RNF216: variants seen among roughly 807,000 people sequenced by gnomAD.
RNF216 encodes the protein ring finger protein 216.
Under a neutral mutation model 110.8 loss-of-function variants are expected in RNF216, and 72 were observed. That is an observed-to-expected ratio of 0.65 (90% CI 0.54 to 0.79). The LOEUF (loss-of-function observed/expected upper bound fraction) is 0.79, where lower values mean the gene tolerates loss of function less well. RNF216 is among the 30% of genes least tolerant of loss of function. The pLI is 0.00. For synonymous variants in RNF216, 495 were observed against 407.5 expected (o/e 1.21, Z -2.59); for missense variants, 1,342 against 1,141.2 (o/e 1.18, Z -2.54).
At chr7:5,758,567 C>T (rs1795765297) in intron 2 of RNF216, among the ~76,000 whole-genome samples, 1 of 152,158 alleles carries the variant, frequency 6.6e-6, no homozygotes, top group Non-Finnish European at 1.5e-5. Context: ...TCCCTTGCAC[C>T]AGTGTGCCAT....
At chr7:5,777,964 A>G (rs898410915) in intron 1 of RNF216, among the ~76,000 whole-genome samples, 9 of 152,238 alleles carry the variant, frequency 5.9e-5, no homozygotes, top group African/African-American at 2.2e-4. Context: ...GGAGGGTAAA[A>G]TCAACGTTTT....
intron 13 of RNF216, among the ~76,000 whole-genome samples, chr7:5,667,868 G>A (rs3807580): frequency 0.044 from 6,670 of 152,270 alleles, 205 homozygotes; most frequent in South Asian, 0.072. Context: ...GGATCAGATT[G>A]GGGAAAGGAG....
At position 5,696,221 on chromosome 7, in the gene RNF216, C is replaced by T. The variant is rs1480747154; in HGVS notation, c.2061+15540G>A. Among the ~76,000 whole-genome samples the T allele has an allele frequency of 1.3e-5, 2 of 151,994 alleles. No homozygotes were observed. The highest frequency in any genetic ancestry group is 2.9e-5 in the Non-Finnish European group (2 of 68,006). On this transcript the variant is annotated intron_variant, in intron 13 of 16. Transcript: ENST00000389902. The surrounding 1 kb of genome is among the most constrained non-coding windows in gnomAD (Gnocchi z 5.4). ...AATTGTTTGTATTTCTGTCAGGAGG[C>T]CCATGGAAAAAAAGCAGGGCTCTCA...
intron 13 of RNF216, among the ~76,000 whole-genome samples, chr7:5,660,512 C>T (rs1789047280): frequency 6.6e-6 from 1 of 151,342 alleles, no homozygotes; most frequent in African/African-American, 2.4e-5. Flanking sequence ...GGATGGTCTC[C>T]ATCTCTTGAC....
intron 7 of RNF216, 39 bp from the exon 8 acceptor site, chr7:5,725,477 G>GA (rs1793694152): frequency 1.7e-6 from 2 of 1,179,828 alleles, no homozygotes; most frequent in African/African-American, 3.0e-5. Context: ...TCTGTAAATA[G>GA]AAAATAAGAA....
At chr7:5,690,970 C>T (rs1791298468) in intron 13 of RNF216, among the ~76,000 whole-genome samples, 2 of 152,224 alleles carry the variant, frequency 1.3e-5, no homozygotes, top group South Asian at 4.1e-4. Flanking sequence ...GCTTATCCAG[C>T]ACACAGCCAG....
In RNF216 at chr7:5,656,135, G is replaced by A. The variant is rs186716920; in HGVS notation, c.2062-3625C>T. ...AATACAAAAATTAGCCGGGCATGGT[G>A]GCGGGCTTCTGTAATCCCAGCTACT... is the stretch of plus-strand genomic sequence containing the variant. On this transcript the variant is annotated intron_variant, in intron 13 of 16. Transcript: ENST00000389902. Among the ~76,000 whole-genome samples the A allele has an allele frequency of 3.5e-4, 53 of 152,262 alleles. 1 individual carries two copies. Among genetic ancestry groups the A allele is most frequent in the Admixed American group, 1.9e-3 (29 of 15,272 alleles).
chr7:5,692,944 G>C (rs988462773), intron 13 of RNF216, among the ~76,000 whole-genome samples: 2 of 152,172 alleles, frequency 1.3e-5, no homozygotes, highest in African/African-American at 4.8e-5. Flanking sequence ...CTTCCAAATA[G>C]ATTTTATGTC....
chr7:5,741,796 G>A lies in RNF216; in HGVS notation c.221C>T (p.Ser74Leu), dbSNP rs764822098. 5.6e-6 allele frequency: 9 copies of A among 1,599,498 alleles called. No individual in the cohort carries two copies. The highest frequency in any genetic ancestry group is 6.8e-6 in the Non-Finnish European group (8 of 1,175,718). The change falls in exon 4 of 17, where the codon TCA (serine) becomes TTA (leucine). Residue 74 changes from serine (S) to leucine (L), a missense_variant. Coordinates refer to ENST00000389902, the MANE Select transcript of RNF216 (RefSeq NM_207111.4). Reference protein sequence around the residue: ...ILTETNKPQRSRPNLIKPAAQ... With the variant: ...ILTETNKPQRLRPNLIKPAAQ... ...AGCTGGTTTGATGAGATTGGGTCGTGATCTCTGAGGTTTATTTGTCTAAGA... is the reference window on the plus strand; with the variant it reads ...AGCTGGTTTGATGAGATTGGGTCGTAATCTCTGAGGTTTATTTGTCTAAGA...
chr7:5,690,195 T>C (rs1419027508), intron 13 of RNF216, among the ~76,000 whole-genome samples: 3 of 151,210 alleles, frequency 2.0e-5, no homozygotes, highest in South Asian at 2.1e-4. Context: ...GGCATGGTGG[T>C]GCACACCTGT....
chr7:5,663,975 A>T (rs1789336590), intron 13 of RNF216, among the ~76,000 whole-genome samples: 1 of 152,150 alleles, frequency 6.6e-6, no homozygotes, highest in African/African-American at 2.4e-5. Flanking sequence ...CCACATGGAG[A>T]TGCGATGGAG....
rs887484642 is a variant in RNF216 at position 5,771,102 on chromosome 7, G to A, written c.-69-9964C>T. The stretch of plus-strand genomic sequence containing the variant: ...ATTACAGGCGTGAGCCACCACACCT[G>A]GCCCCAGATTCAGTCTTATATGAAT... On this transcript the variant is annotated intron_variant, in intron 1 of 16. Coordinates refer to ENST00000389902, the MANE Select transcript of RNF216 (RefSeq NM_207111.4). 5.3e-5 allele frequency among the ~76,000 whole-genome samples: 8 copies of A among 152,086 alleles called. No individual in the cohort carries two copies. In the South Asian group the frequency reaches 6.2e-4, roughly 12 times the overall value.
intron 1 of RNF216, among the ~76,000 whole-genome samples, chr7:5,765,552 C>A (rs548217193): frequency 3.6e-3 from 540 of 151,858 alleles, no homozygotes; most frequent in Non-Finnish European, 6.0e-3. Context: ...ACTGCTTGAG[C>A]CCAGGAGTTC....
chr7:5,763,127 C>G (rs1796020141), intron 1 of RNF216, among the ~76,000 whole-genome samples: 1 of 152,010 alleles, frequency 6.6e-6, no homozygotes, highest in South Asian at 2.1e-4. Flanking sequence ...AAAAAAACAA[C>G]AACCCATGTC....
intron 14 of RNF216, among the ~76,000 whole-genome samples, chr7:5,647,643 T>C (rs1788136516): frequency 6.6e-6 from 1 of 152,086 alleles, no homozygotes; most frequent in Non-Finnish European, 1.5e-5. Flanking sequence ...CTATACTTAA[T>C]CTCTCCCACT....
chr7:5,666,177 A>C (rs538078680), intron 13 of RNF216, among the ~76,000 whole-genome samples: 9 of 151,984 alleles, frequency 5.9e-5, no homozygotes, highest in African/African-American at 1.9e-4. Flanking sequence ...AAAAAAAAAA[A>C]AAAAAAAATC....
At chr7:5,627,522 C>G (rs918740937) in intron 15 of RNF216, among the ~76,000 whole-genome samples, 2 of 151,948 alleles carry the variant, frequency 1.3e-5, no homozygotes, top group African/African-American at 2.4e-5. Flanking sequence ...CTGAGGCAGG[C>G]GGACCACGAG....
At chr7:5,670,342 G>A (rs930580900) in intron 13 of RNF216, among the ~76,000 whole-genome samples, 5 of 152,134 alleles carry the variant, frequency 3.3e-5, no homozygotes, top group South Asian at 2.1e-4. Context: ...GCTGCTGCCC[G>A]ACTGCAGAGG....
chr7:5,628,178 C>T (rs1275993007), intron 15 of RNF216, among the ~76,000 whole-genome samples: 1 of 152,148 alleles, frequency 6.6e-6, no homozygotes, highest in Non-Finnish European at 1.5e-5. Flanking sequence ...CCAATCCCTC[C>T]CTCTGCTCTG....
Sources: allele counts gnomAD v4.1 joint callset (sites outside exome capture counted in the v4.1 genomes callset), GRCh38; gene constraint gnomAD v4.1.1; non-coding constraint Gnocchi (gnomAD v3.1); transcripts MANE v1.5; gene names NCBI Gene and HGNC (gene_info 2026-07-23, HGNC 2026-07-21).